Variants in TTC34 observed in about 807,000 individuals in gnomAD.
The protein encoded by TTC34 is tetratricopeptide repeat protein 34.
In TTC34, 44 loss-of-function variants were observed where a neutral mutation model predicts 40.7. That is an observed-to-expected ratio of 1.08 (90% confidence interval 0.85 to 1.39). TTC34 has a LOEUF of 1.39. Among genes scored for constraint, TTC34 ranks in the 40% most tolerant of loss-of-function variants. The pLI is 0.00. For missense variants in TTC34, 884 were observed against 838.0 expected (o/e 1.05, Z -0.68); for synonymous variants, 422 against 398.6 (o/e 1.06, Z -0.70).
rs1181333595 is a variant in TTC34, at chr1:2,752,390, A to G, written c.2226+31219T>C. Among the ~76,000 whole-genome samples, 3 of 129,650 alleles carry G rather than the reference A, an allele frequency of 2.3e-5. 1 individual carries two copies. The highest frequency in any genetic ancestry group is 1.6e-4 in the Admixed American group (2 of 12,738). The allele number at this position is 129,650 out of a possible 152,430, so 85.1% of individuals were successfully genotyped here. On this transcript the variant is annotated intron_variant, in intron 6 of 8. Coordinates refer to ENST00000401095, the Ensembl canonical transcript of TTC34. ...CCACACCCCCAGGCGAGCATCTGAG[A>G]GCATGTAACAGCACCCACACACCCA...
chr1:2,698,837 C>G (rs552278789), intron 6 of TTC34, among the ~76,000 whole-genome samples: 98 of 92,468 alleles, frequency 1.1e-3, no homozygotes, highest in Admixed American at 1.5e-3. Context: ...CAGCCTGCAA[C>G]AGTACCCACA....
At chr1:2,681,601 A>T (rs1452703986) in intron 6 of TTC34, among the ~76,000 whole-genome samples, 2 of 46,438 alleles carry the variant, frequency 4.3e-5, no homozygotes, top group African/African-American at 1.7e-4. Context: ...GGTGAGCATC[A>T]GACAGCCTGG....
chr1:2,753,660 C>T (rs1641402324), intron 6 of TTC34, among the ~76,000 whole-genome samples: 2 of 107,912 alleles, frequency 1.9e-5, no homozygotes, highest in African/African-American at 5.2e-5. Flanking sequence ...ACCCACACCC[C>T]AGGTGAGCAT....
chr1:2,756,723 G>C (rs1641519577), intron 6 of TTC34, among the ~76,000 whole-genome samples: 2 of 68,502 alleles, frequency 2.9e-5, no homozygotes, highest in Non-Finnish European at 5.0e-5. Flanking sequence ...GTGAGCATCT[G>C]ACAGGCTGGA....
intron 6 of TTC34, among the ~76,000 whole-genome samples, chr1:2,647,186 C>T (rs1639035878): frequency 6.6e-6 from 1 of 151,874 alleles, no homozygotes; most frequent in South Asian, 2.1e-4. Flanking sequence ...GGGAATTTTT[C>T]TGCTGTTATT....
intron 6 of TTC34, among the ~76,000 whole-genome samples, chr1:2,752,385 C>G: frequency 7.5e-6 from 1 of 133,666 alleles, no homozygotes; most frequent in Non-Finnish European, 1.6e-5. Flanking sequence ...AGGCGAGCAT[C>G]TGAGAGCATG....
At chr1:2,688,715 T>A (rs1463823485) in intron 6 of TTC34, among the ~76,000 whole-genome samples, 8 of 117,966 alleles carry the variant, frequency 6.8e-5, no homozygotes, top group African/African-American at 3.3e-4. Flanking sequence ...TCTGACAGCC[T>A]GGAACAGCGG....
rs1479628101 is a variant in TTC34 at position 2,750,306 on chromosome 1, C to G, written c.2226+33303G>C. 2.3e-5 allele frequency among the ~76,000 whole-genome samples: 2 copies of G among 86,398 alleles called. 1 individual carries two copies. Among genetic ancestry groups the G allele is most frequent in the African/African-American group, 1.1e-4 (2 of 17,994 alleles). 56.7% of individuals were successfully genotyped at this position (86,398 alleles called of 152,430 possible). On this transcript the variant is annotated intron_variant, in intron 6 of 8. Coordinates refer to ENST00000401095, the Ensembl canonical transcript of TTC34. ...GACCCCCAGGTGAGCATCTGACAGACTGGAACTGCACCCCCATGCCCAGGT... is the reference window on the plus strand; with the variant it reads ...GACCCCCAGGTGAGCATCTGACAGAGTGGAACTGCACCCCCATGCCCAGGT...
At chr1:2,800,716 G>A (rs1569982667) in exon 2 of TTC34, 1 of 398,634 alleles carries the variant, frequency 2.5e-6, no homozygotes, top group East Asian at 3.6e-5. Flanking sequence ...GAGGGGGCGT[G>A]GCAGCTGAAT....
chr1:2,655,893 A>G (rs1419213957), intron 6 of TTC34, among the ~76,000 whole-genome samples: 15 of 128,342 alleles, frequency 1.2e-4, no homozygotes, highest in African/African-American at 4.3e-4. Flanking sequence ...CAGTGCCCAA[A>G]CCCCCAGGTG....
At chr1:2,640,749 G>A (rs559924959) in exon 9 of TTC34, 2 of 151,808 alleles carry the variant, frequency 1.3e-5, no homozygotes, top group Admixed American at 6.6e-5. Context: ...CTCCCCAAGG[G>A]CCCCAGGAGT....
intron 6 of TTC34, among the ~76,000 whole-genome samples, chr1:2,753,037 C>A (rs1641376886): frequency 1.3e-5 from 2 of 151,566 alleles, no homozygotes; most frequent in African/African-American, 2.4e-5. Context: ...ATCCGACAGC[C>A]TGGAGCAGCA....
exon 9 of TTC34, chr1:2,641,791 G>C: frequency 1.3e-6 from 2 of 1,535,142 alleles, no homozygotes; most frequent in East Asian, 4.9e-5. Context: ...GCAGACGCAG[G>C]TGACAGGCAC....
At chr1:2,798,095 T>TC (rs1643728410) in intron 2 of TTC34, among the ~76,000 whole-genome samples, 2 of 88,876 alleles carry the variant, frequency 2.3e-5, no homozygotes, top group Admixed American at 1.1e-4. Flanking sequence ...CTCCCCAGCC[T>TC]CCAAGCCTCT....
At chr1:2,789,106 C>T (rs1352400461) in intron 3 of TTC34, among the ~76,000 whole-genome samples, 3 of 152,082 alleles carry the variant, frequency 2.0e-5, no homozygotes, top group Non-Finnish European at 4.4e-5. Flanking sequence ...CAAAACAAAA[C>T]AAACCAACCC....
intron 6 of TTC34, among the ~76,000 whole-genome samples, chr1:2,691,097 A>AAAAC (rs1280629241): frequency 3.9e-5 from 3 of 76,152 alleles, no homozygotes; most frequent in Admixed American, 1.3e-4. Flanking sequence ...AGCAGCACCC[A>AAAAC]CACCTTCAGG....
exon 3 of TTC34, chr1:2,789,835 C>T: frequency 2.3e-6 from 1 of 435,330 alleles, no homozygotes. Flanking sequence ...CCATGGCGCG[C>T]CGCGAGTCCC....
chr1:2,687,834 G>A (rs1640435192), intron 6 of TTC34, among the ~76,000 whole-genome samples: 1 of 133,030 alleles, frequency 7.5e-6, no homozygotes, highest in South Asian at 2.3e-4. Flanking sequence ...ATGGTCTGGA[G>A]CATTACCCAC....
intron 6 of TTC34, among the ~76,000 whole-genome samples, chr1:2,654,774 CCG>C (rs1213290814): frequency 9.0e-4 from 111 of 123,732 alleles, no homozygotes; most frequent in African/African-American, 3.4e-3. Context: ...CAACCACACC[CCG>C]GGGCGAGCAT....
Sources: allele counts gnomAD v4.1 joint callset (sites outside exome capture counted in the v4.1 genomes callset), GRCh38; gene constraint gnomAD v4.1.1; transcripts MANE v1.5; gene names NCBI Gene and HGNC (gene_info 2026-07-23, HGNC 2026-07-21).